Variants in RASSF3 observed in about 807,000 individuals in gnomAD.
The protein encoded by RASSF3 is Ras association domain family member 3.
In RASSF3, 19 loss-of-function variants were observed where a neutral mutation model predicts 19.9. The ratio of observed to expected loss-of-function variants is 0.96; its 90% CI spans 0.67 to 1.40. The LOEUF is 1.40. RASSF3 is among the 40% of genes most tolerant of loss of function. RASSF3 has a pLI of 0.00. For synonymous variants in RASSF3, 110 were observed against 104.2 expected, an observed-to-expected ratio of 1.06 and a Z score of -0.34; for missense variants, 306 against 289.8, an observed-to-expected ratio of 1.06 and a Z score of -0.41.
At chr12:64,648,115 G>A (rs1489386453) in intron 1 of RASSF3, among the ~76,000 whole-genome samples, 1 of 152,172 alleles carries the variant, frequency 6.6e-6, no homozygotes, top group African/African-American at 2.4e-5. Context: ...TGGGCCAGTG[G>A]GTGGAGATAG....
intron 2 of RASSF3, among the ~76,000 whole-genome samples, chr12:64,600,033 CAAAAAA>C (rs34515445): frequency 1.6e-5 from 1 of 63,986 alleles, no homozygotes; most frequent in African/African-American, 6.6e-5. Context: ...GACTCCATCT[CAAAAAA>C]AAAAAAAAAA....
intron 1 of RASSF3, among the ~76,000 whole-genome samples, chr12:64,623,402 A>G (rs934040269): frequency 5.9e-5 from 9 of 152,236 alleles, no homozygotes; most frequent in Admixed American, 1.3e-4. Flanking sequence ...TTATCCGTTT[A>G]GGCCTTAAGC....
chr12:64,625,800 A>G (rs1188811970), intron 1 of RASSF3, among the ~76,000 whole-genome samples: 1 of 152,114 alleles, frequency 6.6e-6, no homozygotes, highest in African/African-American at 2.4e-5. Flanking sequence ...TTTCAGCGAT[A>G]CTGGATGCTT....
At chr12:64,626,578 G>C (rs1324589017) in intron 1 of RASSF3, among the ~76,000 whole-genome samples, 2 of 151,356 alleles carry the variant, frequency 1.3e-5, no homozygotes, top group East Asian at 1.9e-4. Flanking sequence ...TTGTTTTTGA[G>C]ACAGGGTCTC....
chr12:64,568,973 G>T (rs1364116383), intron 2 of RASSF3, among the ~76,000 whole-genome samples: 1 of 152,218 alleles, frequency 6.6e-6, no homozygotes, highest in African/African-American at 2.4e-5. Flanking sequence ...GCCTCCCAAA[G>T]TGTTGGGATT....
At position 64,520,128 on chromosome 12, in the gene RASSF3, C is replaced by A. The variant is rs572312554; in HGVS notation, c.169+12799C>A. ...ACTCAGTAGATGGTAGCCTCTAAATCTAGCCATAATGATGCATTCAAGACA... is the reference window on the plus strand; with the variant it reads ...ACTCAGTAGATGGTAGCCTCTAAATATAGCCATAATGATGCATTCAAGACA... On this transcript the variant is annotated intron_variant, in intron 1 of 5. Transcript: ENST00000637125. Among the ~76,000 whole-genome samples the A allele has an allele frequency of 1.3e-4, 20 of 151,400 alleles. No individual in the cohort carries two copies. In the South Asian group the frequency reaches 4.0e-3, roughly 30 times the overall value.
chr12:64,556,903 C>G (rs1313428589), intron 2 of RASSF3, among the ~76,000 whole-genome samples: 1 of 146,754 alleles, frequency 6.8e-6, no homozygotes, highest in African/African-American at 2.5e-5. Context: ...GTGGTGCCAT[C>G]TCAGCTCACT....
chr12:64,671,237 C>T (rs1241245240), intron 1 of RASSF3, among the ~76,000 whole-genome samples: 1 of 152,096 alleles, frequency 6.6e-6, no homozygotes, highest in Non-Finnish European at 1.5e-5. Flanking sequence ...CTTCTTTTTC[C>T]CTCTGCAAGT....
chr12:64,575,049 T>G (rs1869573690), intron 2 of RASSF3, among the ~76,000 whole-genome samples: 1 of 152,134 alleles, frequency 6.6e-6, no homozygotes, highest in South Asian at 2.1e-4. Flanking sequence ...AATGGATACC[T>G]TAGCCAATGC....
chr12:64,628,611 C>T (rs911049535), intron 1 of RASSF3: 9 of 151,958 alleles, frequency 5.9e-5, no homozygotes, highest in African/African-American at 2.2e-4. Context: ...TTCTGCCTGC[C>T]TCAGCCTCCC....
intron 1 of RASSF3, among the ~76,000 whole-genome samples, chr12:64,515,204 C>G (rs1321150653): frequency 6.6e-6 from 1 of 151,960 alleles, no homozygotes; most frequent in East Asian, 1.9e-4. Flanking sequence ...TTATAGGCGT[C>G]CACCACCACA....
At chr12:64,600,033 C>CAAAAAAAA (rs34515445) in intron 2 of RASSF3, among the ~76,000 whole-genome samples, 11 of 63,994 alleles carry the variant, frequency 1.7e-4, no homozygotes, top group African/African-American at 2.6e-4. Flanking sequence ...GACTCCATCT[C>CAAAAAAAA]AAAAAAAAAA....
chr12:64,556,834 CTTTT>C lies in RASSF3; in HGVS notation c.294+15147_294+15150del, dbSNP rs5798747. ...TTCCTTCCATCCCTGCCCCCTACCC[CTTTT>C]TTTTTTTTTTTTTTTTTGAGACAAG... On this transcript the variant is annotated intron_variant, in intron 2 of 5. Coordinates refer to the RASSF3 transcript ENST00000637125. 9.7e-3 allele frequency among the ~76,000 whole-genome samples: 1,104 copies of C among 114,352 alleles called. 17 individuals are homozygous for C. The highest frequency in any genetic ancestry group is 0.032 in the African/African-American group (1,012 of 31,152). The allele number at this position is 114,352 out of a possible 152,430, so 75.0% of individuals were successfully genotyped here.
chr12:64,641,744 A>T (rs1465079332), intron 1 of RASSF3, among the ~76,000 whole-genome samples: 2 of 144,114 alleles, frequency 1.4e-5, no homozygotes, highest in African/African-American at 2.5e-5. Flanking sequence ...TAAAGTACCT[A>T]GTGATTTTTT....
intron 1 of RASSF3, among the ~76,000 whole-genome samples, chr12:64,658,184 G>C (rs547770613): frequency 6.6e-6 from 1 of 152,180 alleles, no homozygotes; most frequent in Non-Finnish European, 1.5e-5. Flanking sequence ...AAATCAACAC[G>C]TGGGTGAGAC....
chr12:64,650,247 C>T (rs1388759338), intron 1 of RASSF3, among the ~76,000 whole-genome samples: 4 of 152,032 alleles, frequency 2.6e-5, no homozygotes, highest in Admixed American at 6.6e-5. Context: ...TAAACAAATT[C>T]GATTATCTCC....
At chr12:64,630,826 A>G (rs1189873512) in intron 1 of RASSF3, among the ~76,000 whole-genome samples, 1 of 152,174 alleles carries the variant, frequency 6.6e-6, no homozygotes, top group Non-Finnish European at 1.5e-5. Context: ...AGATGGTGCT[A>G]GCAAGCAGCC....
rs538485621 is a variant in RASSF3, at chr12:64,696,676, A to C, written c.*1764A>C. ...GGAGAATACCCATCTTGTTGGAGGC[A>C]GACTTAAGTTGTTATGCTGTGCCAC... On this transcript the variant is annotated 3_prime_UTR_variant, in exon 5 of 5. Coordinates refer to ENST00000542104, the MANE Select transcript of RASSF3 (RefSeq NM_178169.4). 11 of 152,274 alleles carry C rather than the reference A, an allele frequency of 7.2e-5. No homozygotes were observed. The East Asian group carries it at 1.7e-3, about 24-fold the overall frequency. The allele number at this position is 152,274 out of a possible 1,614,324, so 9.4% of individuals were successfully genotyped here.
upstream of RASSF3, among the ~76,000 whole-genome samples, chr12:64,530,006 T>C (rs568760153): frequency 6.6e-6 from 1 of 152,246 alleles, no homozygotes; most frequent in African/African-American, 2.4e-5. Flanking sequence ...TCAGAAGAGC[T>C]TGACTTTGTA....
Sources: allele counts gnomAD v4.1 joint callset (sites outside exome capture counted in the v4.1 genomes callset), GRCh38; gene constraint gnomAD v4.1.1; transcripts MANE v1.5; gene names NCBI Gene and HGNC (gene_info 2026-07-23, HGNC 2026-07-21).